The following BCKDHB variants were observed in gnomAD, a reference collection of about 807,000 sequenced individuals.
The protein encoded by BCKDHB is 2-oxoisovalerate dehydrogenase subunit beta, mitochondrial.
BCKDHB carries 41 observed loss-of-function variants against 48.5 expected under a neutral mutation model. That is an observed-to-expected ratio of 0.85 (90% CI 0.66 to 1.10). The LOEUF (loss-of-function observed/expected upper bound fraction) is 1.10. Ranked by LOEUF, BCKDHB falls within the 50% of genes least tolerant of loss-of-function variation. The pLI, the probability that BCKDHB is intolerant of heterozygous loss-of-function variation, is 0.00. For missense variants in BCKDHB, 496 were observed against 494.2 expected, an observed-to-expected ratio of 1.00 and a Z score of -0.03; for synonymous variants, 201 against 174.8, an observed-to-expected ratio of 1.15 and a Z score of -1.18.
rs551314670 is a variant in BCKDHB, at chr6:80,125,690, A to T, written c.197-1857A>T. Among the ~76,000 whole-genome samples the T allele has an allele frequency of 2.0e-5, 3 of 152,258 alleles. No homozygotes were observed. In the East Asian group the frequency reaches 5.8e-4, roughly 29 times the overall value. On this transcript the variant is annotated intron_variant, in intron 1 of 9. Transcript: ENST00000320393. ...AGAAAGGGAGAGATAAAGGAGAATG[A>T]CTGGTCAGTGGATCAGTGAGAACAC...
intron 9 of BCKDHB, among the ~76,000 whole-genome samples, chr6:80,297,886 A>G (rs533471031): frequency 1.1e-4 from 16 of 152,304 alleles, no homozygotes; most frequent in African/African-American, 3.1e-4. Context: ...ATGTCACACA[A>G]TGCAGTGCAA....
intron 6 of BCKDHB, among the ~76,000 whole-genome samples, chr6:80,183,630 G>T (rs1026202665): frequency 1.7e-4 from 26 of 152,106 alleles, no homozygotes; most frequent in African/African-American, 6.3e-4. Context: ...GTTTACATCA[G>T]TGTTCACTCT....
chr6:80,135,495 T>G (rs1044569890), intron 3 of BCKDHB, among the ~76,000 whole-genome samples: 1 of 152,146 alleles, frequency 6.6e-6, no homozygotes, highest in African/African-American at 2.4e-5. Flanking sequence ...TTTCCTAATA[T>G]ATTTATTAAA....
At chr6:80,164,924 A>G (rs1772498133) in intron 3 of BCKDHB, among the ~76,000 whole-genome samples, 1 of 152,224 alleles carries the variant, frequency 6.6e-6, no homozygotes, top group Non-Finnish European at 1.5e-5. Context: ...AGTATCTGGG[A>G]GAAAATAGAA....
chr6:80,352,703 AT>A, the BCKDHB span, among the ~76,000 whole-genome samples: 972 of 152,304 alleles, frequency 6.4e-3, 12 homozygotes, highest in Non-Finnish European at 9.9e-3. Context: ...ATTGTGCTCA[AT>A]TTTTTAAAAT....
the BCKDHB span, among the ~76,000 whole-genome samples, chr6:80,396,638 A>G: frequency 6.6e-6 from 1 of 152,198 alleles, no homozygotes; most frequent in Non-Finnish European, 1.5e-5. Flanking sequence ...ATGGGAGATA[A>G]TTGAATCACG....
At chr6:80,301,940 A>G (rs1010948692) in intron 9 of BCKDHB, among the ~76,000 whole-genome samples, 1 of 152,204 alleles carries the variant, frequency 6.6e-6, no homozygotes, top group East Asian at 1.9e-4. Flanking sequence ...AAAACTTTTG[A>G]TAAAATTCAT....
intron 8 of BCKDHB, among the ~76,000 whole-genome samples, chr6:80,204,648 A>G (rs905764877): frequency 4.0e-5 from 6 of 151,894 alleles, no homozygotes. Flanking sequence ...CACTTTTAGA[A>G]CTTTATTTAC....
chr6:80,238,780 G>T (rs944114391), intron 8 of BCKDHB, among the ~76,000 whole-genome samples: 8 of 151,860 alleles, frequency 5.3e-5, no homozygotes, highest in African/African-American at 1.7e-4. Context: ...GCCCCAGTGT[G>T]TGATGTTCCC....
At chr6:80,239,380 G>T (rs1457382310) in intron 8 of BCKDHB, among the ~76,000 whole-genome samples, 1 of 152,006 alleles carries the variant, frequency 6.6e-6, no homozygotes. Context: ...TCATGTGTCT[G>T]TTGACTGCAT....
the BCKDHB span, chr6:80,374,069 C>A: frequency 1.5e-6 from 1 of 686,896 alleles, no homozygotes; most frequent in South Asian, 1.4e-5. Context: ...ATATCTTTTT[C>A]TTCTGGGCAA....
At chr6:80,412,146 ATTTTTT>A in the BCKDHB span, among the ~76,000 whole-genome samples, 1 of 137,102 alleles carries the variant, frequency 7.3e-6, no homozygotes, top group South Asian at 2.3e-4. Context: ...CACAGTTTAC[ATTTTTT>A]TTTTTTTTTT....
chr6:80,331,635 A>C (rs531615653), intron 9 of BCKDHB, among the ~76,000 whole-genome samples: 63 of 152,306 alleles, frequency 4.1e-4, no homozygotes, highest in African/African-American at 1.4e-3. Flanking sequence ...AACATGAGCC[A>C]ATCTGCAGTC....
intron 8 of BCKDHB, among the ~76,000 whole-genome samples, chr6:80,272,570 A>G (rs1423651666): frequency 6.6e-6 from 1 of 152,148 alleles, no homozygotes; most frequent in Non-Finnish European, 1.5e-5. Flanking sequence ...TGTTTGTGAC[A>G]TTTTACCCTT....
intron 9 of BCKDHB, among the ~76,000 whole-genome samples, chr6:80,299,336 A>G (rs2127990137): frequency 6.6e-6 from 1 of 152,202 alleles, no homozygotes; most frequent in South Asian, 2.1e-4. Flanking sequence ...TCTCCTCAAT[A>G]TGGTCCCTTC....
rs1214089233 is a variant in BCKDHB at position 80,230,077 on chromosome 6, C to T, written c.951+26865C>T. Among the ~76,000 whole-genome samples the T allele has an allele frequency of 3.3e-5, 4 of 120,580 alleles. No individual in the cohort carries two copies. The South Asian group carries it at 8.7e-4, about 26-fold the overall frequency. The allele number at this position is 120,580 out of a possible 152,430, so 79.1% of individuals were successfully genotyped here. Reference sequence around the variant, plus strand: ...TTTTTGAGACGGAGTCTCACTCTTTCGCCCAAGCTGGACTGCAGTGGCGCT... The same window carrying T: ...TTTTTGAGACGGAGTCTCACTCTTTTGCCCAAGCTGGACTGCAGTGGCGCT... On this transcript the variant is annotated intron_variant, in intron 8 of 9. Coordinates refer to ENST00000320393, the MANE Select transcript of BCKDHB (RefSeq NM_183050.4).
chr6:80,460,339 T>C, the BCKDHB span, among the ~76,000 whole-genome samples: 81 of 152,284 alleles, frequency 5.3e-4, no homozygotes, highest in African/African-American at 1.9e-3. Flanking sequence ...TAATTATAAA[T>C]GGATATTGCT....
At chr6:80,286,413 G>T (rs1342147815) in intron 9 of BCKDHB, among the ~76,000 whole-genome samples, 1 of 152,092 alleles carries the variant, frequency 6.6e-6, no homozygotes, top group Non-Finnish European at 1.5e-5. Context: ...TCAAAATTGG[G>T]ACAAAATATT....
chr6:80,335,597 C>G (rs913417671), intron 9 of BCKDHB, among the ~76,000 whole-genome samples: 2 of 152,072 alleles, frequency 1.3e-5, no homozygotes, highest in Non-Finnish European at 2.9e-5. Flanking sequence ...AATGTCAAAA[C>G]TTGCACATAG....
Sources: allele counts gnomAD v4.1 joint callset (sites outside exome capture counted in the v4.1 genomes callset), GRCh38; gene constraint gnomAD v4.1.1; transcripts MANE v1.5; gene names NCBI Gene and HGNC (gene_info 2026-07-23, HGNC 2026-07-21).